The following CROT variants were observed in gnomAD, a reference collection of about 807,000 sequenced individuals.
CROT encodes peroxisomal carnitine O-octanoyltransferase.
A neutral mutation model predicts 89.2 loss-of-function variants in CROT; 84 were observed. That is an observed-to-expected ratio of 0.94 (90% CI 0.79 to 1.13). The LOEUF is 1.13. CROT is among the 50% of genes most tolerant of loss of function. The pLI is 0.00. For synonymous variants in CROT, 212 were observed against 239.5 expected (o/e 0.89, Z 1.06); for missense variants, 711 against 727.8 (o/e 0.98, Z 0.27).
At chr7:87,385,294 A>G (rs1807152714) in intron 13 of CROT, among the ~76,000 whole-genome samples, 1 of 152,094 alleles carries the variant, frequency 6.6e-6, no homozygotes, top group Non-Finnish European at 1.5e-5. Flanking sequence ...TAGGATGGAC[A>G]TTTTAACAAT....
intron 9 of CROT, among the ~76,000 whole-genome samples, chr7:87,377,059 C>A (rs1806831903): frequency 6.6e-6 from 1 of 152,098 alleles, no homozygotes; most frequent in African/African-American, 2.4e-5. Flanking sequence ...AAACCCTTAT[C>A]CTCTCAATTC....
At chr7:87,371,939 A>G (rs1695108622) in intron 7 of CROT, among the ~76,000 whole-genome samples, 1 of 148,758 alleles carries the variant, frequency 6.7e-6, no homozygotes, top group South Asian at 2.1e-4. Context: ...GGCTGCAGTG[A>G]GCTGTGATTA....
At chr7:87,351,861 G>T (rs1363231001) in intron 3 of CROT, among the ~76,000 whole-genome samples, 2 of 152,160 alleles carry the variant, frequency 1.3e-5, no homozygotes, top group African/African-American at 4.8e-5. Flanking sequence ...GAACAGCAGA[G>T]TTATGAATAT....
intron 3 of CROT, 106 bp from the exon 4 acceptor site, chr7:87,359,100 C>A: frequency 2.6e-6 from 2 of 783,826 alleles, no homozygotes; most frequent in South Asian, 3.0e-5. Context: ...TAATACAGTA[C>A]TGTGTTTTAC....
intron 3 of CROT, chr7:87,357,449 A>G (rs1806117173): frequency 1.3e-6 from 2 of 1,550,598 alleles, no homozygotes; most frequent in Admixed American, 2.0e-5. Flanking sequence ...GTGGCCAATT[A>G]GTGCTGTGCA....
intron 1 of CROT, 132 bp from the exon 2 acceptor site, chr7:87,346,208 C>T (rs1805669723): frequency 1.3e-5 from 2 of 152,258 alleles, no homozygotes. Context: ...CGTGTGTTTG[C>T]AGTGATTCAC....
chr7:87,391,539 A>C (rs1212927633), intron 13 of CROT, 50 bp from the exon 14 acceptor site: 25 of 1,549,024 alleles, frequency 1.6e-5, no homozygotes, highest in Non-Finnish European at 2.1e-5. Flanking sequence ...CTGTAATGAT[A>C]TTAGAGCATT....
intron 14 of CROT, among the ~76,000 whole-genome samples, chr7:87,392,123 C>A (rs1807381103): frequency 1.3e-5 from 2 of 151,944 alleles, no homozygotes; most frequent in Non-Finnish European, 2.9e-5. Context: ...GTTTCATACT[C>A]TTTTTTTTGA....
rs150844104 is a variant in CROT, at chr7:87,372,353, G to A, written c.656+2869G>A. On this transcript the variant is annotated intron_variant, in intron 7 of 17. Transcript: ENST00000331536. Reference sequence around the variant, plus strand: ...GGCAAATTTATCTTTTTAATCATTTGCTTTTGTATCTTGGATAATATTTGT... The same window carrying A: ...GGCAAATTTATCTTTTTAATCATTTACTTTTGTATCTTGGATAATATTTGT... Among the ~76,000 whole-genome samples, 556 of 152,130 alleles carry A rather than the reference G, an allele frequency of 3.7e-3. 5 individuals carry two copies. The highest frequency in any genetic ancestry group is 0.012 in the African/African-American group (514 of 41,502).
chr7:87,377,582 T>G, intron 10 of CROT, 132 bp downstream of exon 10: 1 of 585,988 alleles, frequency 1.7e-6, no homozygotes, highest in Non-Finnish European at 3.0e-6. Flanking sequence ...GGTGAAAAGT[T>G]TAGTTATGAA....
intron 17 of CROT, among the ~76,000 whole-genome samples, chr7:87,396,638 C>T (rs1237709816): frequency 6.6e-6 from 1 of 151,726 alleles, no homozygotes; most frequent in Non-Finnish European, 1.5e-5. Context: ...TCTTTCATCT[C>T]TTCTACCCCA....
At position 87,368,499 on chromosome 7, in the gene CROT, G is replaced by A. The variant is rs1806522807; in HGVS notation, c.548-877G>A. Among the ~76,000 whole-genome samples, 4 of 152,052 alleles carry A rather than the reference G, an allele frequency of 2.6e-5. No homozygotes were observed. The South Asian group carries it at 8.3e-4, about 32-fold the overall frequency. ...AGGAAAACACATATCTCATCCCCTA[G>A]GTCTTGAGGAAATAAGGTATAAGAG... On this transcript the variant is annotated intron_variant, in intron 6 of 17. Transcript: ENST00000331536.
intron 14 of CROT, 80 bp downstream of exon 14, chr7:87,391,792 C>T: frequency 7.2e-7 from 1 of 1,392,796 alleles, no homozygotes; most frequent in South Asian, 1.3e-5. Context: ...TAACTAACTT[C>T]TTTGCTTCAG....
At position 87,392,615 on chromosome 7, in the gene CROT, A is replaced by G. The variant is rs1423212935; in HGVS notation, c.1475A>G (p.Lys492Arg). 6.2e-7 allele frequency: 1 copy of G among 1,613,578 alleles called. No homozygotes were observed. The highest frequency in any genetic ancestry group is 2.2e-5 in the East Asian group (1 of 44,864). Residue 492 changes from lysine to arginine, a missense_variant, in exon 15 of 18, where the codon AAA becomes AGA. Transcript: ENST00000331536. Reference sequence around the variant, plus strand: ...TTACAAGCTTTTGCAAAGCATAATAAAATGATGAAAGATTGTTCAGCTGGA... The same window carrying G: ...TTACAAGCTTTTGCAAAGCATAATAGAATGATGAAAGATTGTTCAGCTGGA... ...KMLQAFAKHNKMMKDCSAGKG... is the reference protein window; with the variant it reads ...KMLQAFAKHNRMMKDCSAGKG...
rs1356498140 is a variant in CROT at position 87,398,688 on chromosome 7, CTG to C, written c.*45_*46del. On this transcript the variant is annotated 3_prime_UTR_variant, in exon 18 of 18. Coordinates refer to ENST00000331536, the MANE Select transcript of CROT (RefSeq NM_021151.4). ...GCACTTACCAAAACATATCATTAAACTGAGTGCTGGGAGTGAGTTGGTAATAT... is the reference window on the plus strand; with the variant it reads ...GCACTTACCAAAACATATCATTAAACAGTGCTGGGAGTGAGTTGGTAATAT... 6.9e-6 allele frequency: 11 copies of C among 1,587,408 alleles called. No homozygotes were observed. Among genetic ancestry groups the C allele is most frequent in the Non-Finnish European group, 8.6e-6 (10 of 1,164,952 alleles).
chr7:87,357,232 A>G (rs750187282), intron 3 of CROT, among the ~76,000 whole-genome samples: 1 of 152,188 alleles, frequency 6.6e-6, no homozygotes, highest in Non-Finnish European at 1.5e-5. Flanking sequence ...GCTTTCCCAT[A>G]TCTGGCAAAG....
intron 6 of CROT, among the ~76,000 whole-genome samples, chr7:87,367,586 C>A (rs1015409999): frequency 2.0e-5 from 3 of 152,184 alleles, no homozygotes; most frequent in Admixed American, 6.5e-5. Flanking sequence ...TATGTTACTG[C>A]AAATTCATAT....
At chr7:87,355,640 C>G (rs1416835243) in intron 3 of CROT, among the ~76,000 whole-genome samples, 1 of 152,122 alleles carries the variant, frequency 6.6e-6, no homozygotes, top group Non-Finnish European at 1.5e-5. Flanking sequence ...CATGCAAGCA[C>G]AGGGCGACAT....
intron 14 of CROT, among the ~76,000 whole-genome samples, chr7:87,391,920 G>A (rs1807372437): frequency 6.6e-6 from 1 of 152,156 alleles, no homozygotes; most frequent in African/African-American, 2.4e-5. Flanking sequence ...GATCCCATTT[G>A]TGTTATTTTC....
Sources: gnomAD v4.1 joint callset for allele counts (sites outside exome capture counted in the v4.1 genomes callset) on GRCh38, gnomAD v4.1.1 for gene constraint, MANE v1.5 for transcripts, NCBI Gene and HGNC (gene_info 2026-07-23, HGNC 2026-07-21) for gene names.